Variants in C14orf93 observed in about 807,000 individuals in gnomAD.
C14orf93 encodes the protein chromosome 14 open reading frame 93, also known as uncharacterized protein C14orf93.
C14orf93 carries 23 observed loss-of-function variants against 44.0 expected under a neutral mutation model. The ratio of observed to expected loss-of-function variants is 0.52; its 90% CI spans 0.38 to 0.74. The LOEUF (loss-of-function observed/expected upper bound fraction) is 0.74. Ranked by LOEUF, C14orf93 falls within the 30% of genes least tolerant of loss-of-function variation. C14orf93 has a pLI of 0.00. For missense variants in C14orf93, 579 were observed against 678.9 expected (o/e 0.85, Z 1.64); for synonymous variants, 253 against 265.7 (o/e 0.95, Z 0.46).
intron 3 of C14orf93, among the ~76,000 whole-genome samples, chr14:22,991,598 G>C (rs761027857): frequency 5.7e-4 from 86 of 150,944 alleles, no homozygotes; most frequent in Admixed American, 1.3e-3. Context: ...TTGAGACAGA[G>C]TCTCACTCTG....
rs531376530 is a variant in C14orf93 at position 22,987,183 on chromosome 14, G to A, written c.*32C>T. On this transcript the variant is annotated 3_prime_UTR_variant, in exon 7 of 7. Transcript: ENST00000299088. This position sits in a 1 kb window ranked among gnomAD's most constrained non-coding sequence, Gnocchi z 5.6. Reference sequence around the variant, plus strand: ...ACCTATTTCTGAGACATGGGGCATGGCGGAAGCCAGAGTTATTCTTGGCTG... The same window carrying A: ...ACCTATTTCTGAGACATGGGGCATGACGGAAGCCAGAGTTATTCTTGGCTG... 5.3e-5 allele frequency: 83 copies of A among 1,564,590 alleles called. No individual in the cohort carries two copies. The highest frequency in any genetic ancestry group is 6.9e-5 in the Non-Finnish European group (79 of 1,151,606).
In C14orf93 at chr14:22,996,076, C is replaced by A; in HGVS notation, c.790G>T (p.Ala264Ser). 6.2e-7 allele frequency: 1 copy of A among 1,614,132 alleles called. No individual in the cohort carries two copies. The highest frequency in any genetic ancestry group is 8.5e-7 in the Non-Finnish European group (1 of 1,180,034). Reference sequence around the variant, plus strand: ...CTCCCAGGGCCTGACTCTTCCAAGGCACTGTCCAGCGCAGCAGCGGCATTG... The same window carrying A: ...CTCCCAGGGCCTGACTCTTCCAAGGAACTGTCCAGCGCAGCAGCGGCATTG... ...MLNAAAALDSALEESGPGSTG... is the reference protein window; with the variant it reads ...MLNAAAALDSSLEESGPGSTG... Residue 264 changes from alanine to serine, a missense_variant, in exon 3 of 7, where the codon GCC (alanine) becomes TCC (serine). Coordinates refer to ENST00000299088, the MANE Select transcript of C14orf93 (RefSeq NM_021944.4). This position sits in a 1 kb window ranked among gnomAD's most constrained non-coding sequence, Gnocchi z 4.1.
chr14:23,003,205 T>C (rs2046397054), intron 1 of C14orf93, among the ~76,000 whole-genome samples: 1 of 152,188 alleles, frequency 6.6e-6, no homozygotes, highest in South Asian at 2.1e-4. Flanking sequence ...GGGCAACAAA[T>C]AGGTGTTTTC....
At chr14:22,990,266 T>C (rs1594601912) in intron 3 of C14orf93, 139 bp from the exon 4 acceptor site, 1 of 667,528 alleles carries the variant, frequency 1.5e-6, no homozygotes, top group Non-Finnish European at 2.5e-6. Flanking sequence ...CTATCCAAGT[T>C]ACTATTTCTA....
intron 5 of C14orf93, 43 bp from the exon 6 acceptor site, chr14:22,988,058 G>A (rs1426232261): frequency 1.4e-6 from 2 of 1,402,650 alleles, no homozygotes; most frequent in East Asian, 2.3e-5. Flanking sequence ...AGGGTCCTCT[G>A]AGTAGTGGTC....
rs2045323040 is a variant in C14orf93 at position 22,987,832 on chromosome 14, G to T, written c.1197+71C>A. ...TCTCAACCCTATTCTCATATGCCAT[G>T]TCCTCTGGCCCTTCCCACTTAGGAA... On this transcript the variant is annotated intron_variant, in intron 6 of 6. Transcript: ENST00000299088. The surrounding 1 kb of genome is among the most constrained non-coding windows in gnomAD (Gnocchi z 5.6). 2 of 1,336,538 alleles carry T rather than the reference G, an allele frequency of 1.5e-6. No homozygotes were observed. Among genetic ancestry groups the T allele is most frequent in the African/African-American group, 2.9e-5 (2 of 68,414 alleles). 82.8% of individuals were successfully genotyped at this position (1,336,538 alleles called of 1,614,324 possible). A position where few individuals can be genotyped will look rare whatever the true frequency, so the allele number is the denominator to read the frequency against.
intron 1 of C14orf93, among the ~76,000 whole-genome samples, chr14:23,002,451 CAAA>C (rs397709228): frequency 1.1e-5 from 1 of 89,048 alleles, no homozygotes. Flanking sequence ...GACTCCATCT[CAAA>C]AAAAAAAAAA....
intron 1 of C14orf93, chr14:23,005,641 T>A (rs1594685875): frequency 6.6e-6 from 1 of 151,550 alleles, no homozygotes; most frequent in African/African-American, 2.4e-5. Flanking sequence ...CAACACAACA[T>A]GACAGTAGAT....
In C14orf93 at chr14:22,986,927, G is replaced by A. The variant is rs1004685392; in HGVS notation, c.*288C>T. ...ATGTCAAGAAGGCCTCATGTTTCTT[G>A]GACCCATCCTCCTCATTTTCTCATC... On this transcript the variant is annotated 3_prime_UTR_variant, in exon 7 of 7. Coordinates refer to ENST00000299088, the MANE Select transcript of C14orf93 (RefSeq NM_021944.4). 2.5e-5 allele frequency: 11 copies of A among 434,692 alleles called. No homozygotes were observed. Among genetic ancestry groups the A allele is most frequent in the African/African-American group, 2.2e-4 (11 of 50,454 alleles). 26.9% of individuals were successfully genotyped at this position (434,692 alleles called of 1,614,324 possible). A position where few individuals can be genotyped will look rare whatever the true frequency, so the allele number is the denominator to read the frequency against.
chr14:22,989,051 G>C, intron 5 of C14orf93, among the ~76,000 whole-genome samples: 1 of 152,104 alleles, frequency 6.6e-6, no homozygotes, highest in African/African-American at 2.4e-5. Context: ...CACGATCTTG[G>C]CTCAATGCAA....
At chr14:22,993,460 A>T (rs1257383323) in intron 3 of C14orf93, among the ~76,000 whole-genome samples, 1 of 152,200 alleles carries the variant, frequency 6.6e-6, no homozygotes, top group Non-Finnish European at 1.5e-5. Context: ...CATATTCAAC[A>T]TAGTTATTTT....
chr14:22,990,069 T>A lies in C14orf93; in HGVS notation c.977A>T (p.Glu326Val). 6.2e-7 allele frequency: 1 copy of A among 1,612,626 alleles called. No homozygotes were observed. The highest frequency in any genetic ancestry group is 8.5e-7 in the Non-Finnish European group (1 of 1,178,694). ...ITNDKRFNGSESIKSSWNISV... is the reference protein window; with the variant it reads ...ITNDKRFNGSVSIKSSWNISV... ...TTTTTCCTCAAGGAGACCATACCTT[T>A]CAGACCCATTGAATCTCTTGTCATT... The change falls in exon 4 of 7, where the codon GAA becomes GTA. Residue 326 changes from glutamate (E) to valine (V), a missense_variant. Transcript: ENST00000299088.
chr14:23,000,702 G>A (rs536064468), intron 1 of C14orf93, among the ~76,000 whole-genome samples: 24 of 136,320 alleles, frequency 1.8e-4, no homozygotes, highest in African/African-American at 5.9e-4. Flanking sequence ...GCAACAGGGC[G>A]AGACTCCACC....
Position 22,987,852 on chromosome 14 carries a change from TAGGAA to T in C14orf93, c.1197+46_1197+50del, listed in dbSNP as rs1594586116. On this transcript the variant is annotated intron_variant, in intron 6 of 6. Transcript: ENST00000299088. This position sits in a 1 kb window ranked among gnomAD's most constrained non-coding sequence, Gnocchi z 5.6. Reference sequence around the variant, plus strand: ...GCCATGTCCTCTGGCCCTTCCCACTTAGGAAAGGGTTTAGAGTTTAGTATCTTGAA... The same window carrying T: ...GCCATGTCCTCTGGCCCTTCCCACTTAGGGTTTAGAGTTTAGTATCTTGAA... The T allele has an allele frequency of 6.9e-7, 1 of 1,451,384 alleles. No homozygotes were observed. The highest frequency in any genetic ancestry group is 9.6e-7 in the Non-Finnish European group (1 of 1,039,636). 89.9% of individuals were successfully genotyped at this position (1,451,384 alleles called of 1,614,324 possible).
At chr14:22,998,181 C>G (rs2046105138) in intron 2 of C14orf93, 1 of 457,780 alleles carries the variant, frequency 2.2e-6, no homozygotes, top group Non-Finnish European at 3.7e-6. Flanking sequence ...TGCGGAGCTA[C>G]TGAGAGAGAG....
Position 22,998,757 on chromosome 14 carries a change from C to A in C14orf93, c.267G>T (p.Leu89Phe), listed in dbSNP as rs2046143353. ...CCACTTCCTCCTGGAGACGTTTTAA[C>A]AACTCATTGTTGGCCCTGGCAAGAC... ...ALGLARANNE[L>F]LKRLQEEVGD... The change falls in exon 2 of 7, where the codon TTG (leucine) becomes TTT (phenylalanine). Residue 89 changes from leucine (L) to phenylalanine (F), a missense_variant. Transcript: ENST00000299088. 1 of 1,614,106 alleles carries A rather than the reference C, an allele frequency of 6.2e-7. No individual in the cohort carries two copies. The highest frequency in any genetic ancestry group is 1.3e-5 in the African/African-American group (1 of 74,938).
intron 5 of C14orf93, 73 bp downstream of exon 5, chr14:22,989,669 C>G (rs928597352): frequency 1.6e-5 from 18 of 1,109,164 alleles, no homozygotes; most frequent in Non-Finnish European, 2.5e-5. Flanking sequence ...TCCTCTTCTC[C>G]TCTGACCAAG....
chr14:22,987,473 T>G lies in C14orf93; in HGVS notation c.1359A>C (p.Thr453=), dbSNP rs1224178565. 2.5e-6 allele frequency: 4 copies of G among 1,614,268 alleles called. No individual in the cohort carries two copies. The highest frequency in any genetic ancestry group is 3.4e-6 in the Non-Finnish European group (4 of 1,180,046). The change falls in exon 7 of 7, where the codon ACA becomes ACC. Residue 453 remains threonine (T), a synonymous_variant. Transcript: ENST00000299088. This position sits in a 1 kb window ranked among gnomAD's most constrained non-coding sequence, Gnocchi z 5.6. ...TAGCATCCAGGTGGTAGCAGAGCTC[T>G]GTGAGGCGCTGGGCCCGGAAACGGG... The part of the protein sequence containing the change: ...RPPRFRAQRL[T]ELCYHLDANS...
intron 1 of C14orf93, among the ~76,000 whole-genome samples, chr14:22,999,639 C>T (rs1186514412): frequency 6.6e-6 from 1 of 152,160 alleles, no homozygotes; most frequent in Non-Finnish European, 1.5e-5. Context: ...AGAGGAATAA[C>T]AGCAGAATCC....
Sources: allele counts gnomAD v4.1 joint callset (sites outside exome capture counted in the v4.1 genomes callset), GRCh38; gene constraint gnomAD v4.1.1; non-coding constraint Gnocchi (gnomAD v3.1); transcripts MANE v1.5; gene names NCBI Gene and HGNC (gene_info 2026-07-23, HGNC 2026-07-21).